TSGA13: variants seen among roughly 807,000 people sequenced by gnomAD.
TSGA13 encodes the protein testis specific 13.
Under a neutral mutation model 35.1 loss-of-function variants are expected in TSGA13, and 37 were observed. That is an observed-to-expected ratio of 1.05 (90% CI 0.81 to 1.39). TSGA13 has a LOEUF of 1.39. Ranked by LOEUF, TSGA13 falls within the 40% of genes most tolerant of loss-of-function variation. The pLI is 0.00. For synonymous variants in TSGA13, 124 were observed against 121.2 expected (o/e 1.02, Z -0.15); for missense variants, 338 against 328.5 (o/e 1.03, Z -0.22).
intron 5 of TSGA13, among the ~76,000 whole-genome samples, chr7:130,676,252 G>A (rs1038638): frequency 0.42 from 64,393 of 152,140 alleles, 16,584 homozygotes; most frequent in East Asian, 0.59. Flanking sequence ...GATATCACAC[G>A]TTTCAATCTT....
intron 5 of TSGA13, among the ~76,000 whole-genome samples, chr7:130,675,464 A>T (rs1284513035): frequency 1.3e-5 from 2 of 151,686 alleles, no homozygotes; most frequent in East Asian, 3.9e-4. Flanking sequence ...ACTCACTGCA[A>T]CCTCCACCTC....
At chr7:130,681,332 A>G (rs935552579) in intron 3 of TSGA13, among the ~76,000 whole-genome samples, 1 of 152,184 alleles carries the variant, frequency 6.6e-6, no homozygotes, top group Non-Finnish European at 1.5e-5. Flanking sequence ...ATTGCGACAA[A>G]TCTTTCCAAG....
chr7:130,671,712 A>T lies in TSGA13; in HGVS notation c.607T>A (p.Tyr203Asn). 1 of 1,610,518 alleles carries T rather than the reference A, an allele frequency of 6.2e-7. No homozygotes were observed. Among genetic ancestry groups the T allele is most frequent in the Non-Finnish European group, 8.5e-7 (1 of 1,177,718 alleles). ...VYALRTQKKM[Y>N]PQLTFAPVHE... is the part of the protein sequence containing the mutation. Reference sequence around the variant, plus strand: ...ACTGGAGCAAAGGTGAGCTGAGGGTACATTTTCTTCTGTGTCCTCAAAGCG... The same window carrying T: ...ACTGGAGCAAAGGTGAGCTGAGGGTTCATTTTCTTCTGTGTCCTCAAAGCG... Residue 203 changes from tyrosine (Y) to asparagine (N), a missense_variant, in exon 7 of 8, where the codon TAC (tyrosine) becomes AAC (asparagine). By Grantham distance (143) the Tyr-to-Asn change is moderately radical. Coordinates refer to ENST00000356588, the MANE Select transcript of TSGA13 (RefSeq NM_052933.4).
chr7:130,678,709 GCA>G (rs1796469034), intron 5 of TSGA13, among the ~76,000 whole-genome samples: 1 of 152,056 alleles, frequency 6.6e-6, no homozygotes, highest in South Asian at 2.1e-4. Flanking sequence ...GTTATGTGAA[GCA>G]TAGGATCAGG....
rs73724361 is a variant in TSGA13, at chr7:130,678,553, A to G, written c.387+602T>C. On this transcript the variant is annotated intron_variant, in intron 5 of 7. Transcript: ENST00000356588. ...CTACTTTATTCTCAACTAGAAAGTC[A>G]GTGGCTAGTCTACCCTTTGTTACTT... 4.5e-3 allele frequency among the ~76,000 whole-genome samples: 692 copies of G among 152,318 alleles called. 2 individuals carry two copies. The highest frequency in any genetic ancestry group is 0.016 in the African/African-American group (669 of 41,566).
In TSGA13 at chr7:130,670,903, G is replaced by A. The variant is rs78608114; in HGVS notation, c.658+758C>T. 7.0e-4 allele frequency among the ~76,000 whole-genome samples: 106 copies of A among 152,168 alleles called. No homozygotes were observed. In the East Asian group the frequency reaches 0.015, roughly 22 times the overall value. ...CAGCCTCCCAAACTGCTAGGATTAC[G>A]GACACGCCCAGCCTGTCAAGGCCTT... On this transcript the variant is annotated intron_variant, in intron 7 of 7. Coordinates refer to ENST00000356588, the MANE Select transcript of TSGA13 (RefSeq NM_052933.4).
At chr7:130,686,665 C>T (rs1796664863), upstream of TSGA13, 1 of 149,038 alleles carries the variant, frequency 6.7e-6, no homozygotes, top group Non-Finnish European at 1.5e-5. Context: ...ATCTGCCAAT[C>T]TCTTATTTTG....
intron 2 of TSGA13, among the ~76,000 whole-genome samples, chr7:130,684,134 G>A (rs917384999): frequency 2.2e-4 from 34 of 152,220 alleles, no homozygotes; most frequent in Non-Finnish European, 4.0e-4. Flanking sequence ...TCTGTGAGAA[G>A]GAATATAGTT....
At chr7:130,671,017 A>T (rs1290854763) in intron 7 of TSGA13, among the ~76,000 whole-genome samples, 1 of 152,098 alleles carries the variant, frequency 6.6e-6, no homozygotes, top group Non-Finnish European at 1.5e-5. Flanking sequence ...CCCTTGAAAT[A>T]CTGTTAAATA....
chr7:130,673,350 G>A (rs1163520765), intron 5 of TSGA13, among the ~76,000 whole-genome samples: 1 of 152,096 alleles, frequency 6.6e-6, no homozygotes, highest in Non-Finnish European at 1.5e-5. Flanking sequence ...CATTACTAAA[G>A]GTCATAGAAT....
Position 130,679,353 on chromosome 7 carries a change from C to T in TSGA13, c.189G>A (p.Lys63=). The T allele has an allele frequency of 1.9e-6, 3 of 1,611,684 alleles. No homozygotes were observed. Among genetic ancestry groups the T allele is most frequent in the Middle Eastern group, 1.7e-4 (1 of 5,932 alleles). The stretch of plus-strand genomic sequence containing the variant: ...TCTGCAGGGCAGTGGCCTTCAAAGG[C>T]TTATAGTACTGGGCCTGAACAGACA... ...TVHPNLAQYY[K]PLKATALQKF... is the part of the protein sequence containing the mutation. Residue 63 remains lysine, a synonymous_variant, in exon 5 of 8, where the codon AAG becomes AAA. Transcript: ENST00000356588.
At chr7:130,671,113 A>G (rs1206280790) in intron 7 of TSGA13, among the ~76,000 whole-genome samples, 1 of 151,864 alleles carries the variant, frequency 6.6e-6, no homozygotes, top group Non-Finnish European at 1.5e-5. Context: ...CCCTACCCCA[A>G]TCCCAGAGAC....
intron 4 of TSGA13, 55 bp downstream of exon 4, chr7:130,680,891 C>T (rs1383282219): frequency 1.3e-6 from 2 of 1,520,616 alleles, no homozygotes; most frequent in African/African-American, 2.7e-5. Context: ...TGGGCATCTG[C>T]ACCACTGCTG....
At chr7:130,672,088 C>G (rs1796286245) in intron 6 of TSGA13, among the ~76,000 whole-genome samples, 1 of 152,026 alleles carries the variant, frequency 6.6e-6, no homozygotes, top group African/African-American at 2.4e-5. Context: ...ACGGTTTTCA[C>G]CATGTTGGCC....
intron 5 of TSGA13, among the ~76,000 whole-genome samples, chr7:130,675,923 T>C (rs1308824992): frequency 6.6e-6 from 1 of 152,246 alleles, no homozygotes; most frequent in Admixed American, 6.5e-5. Context: ...TTGGGTCTGA[T>C]ATCCTCCTCT....
At chr7:130,676,467 G>A (rs1457620292) in intron 5 of TSGA13, among the ~76,000 whole-genome samples, 8 of 152,218 alleles carry the variant, frequency 5.3e-5, no homozygotes, top group African/African-American at 1.9e-4. Flanking sequence ...TGATAGCTTT[G>A]TATTTCCTTC....
At position 130,669,043 on chromosome 7, in the gene TSGA13, T is replaced by G; in HGVS notation, c.799A>C (p.Ile267Leu). 1 of 1,614,158 alleles carries G rather than the reference T, an allele frequency of 6.2e-7. No homozygotes were observed. The highest frequency in any genetic ancestry group is 8.5e-7 in the Non-Finnish European group (1 of 1,180,028). ...AFRNGRAPQW[I>L]IKKATVIG Reference sequence around the variant, plus strand: ...CCGATGACCGTGGCCTTTTTGATAATCCACTGCGGGGCCCTCCCGTTGCGG... The same window carrying G: ...CCGATGACCGTGGCCTTTTTGATAAGCCACTGCGGGGCCCTCCCGTTGCGG... The change falls in exon 8 of 8, where the codon ATT (isoleucine) becomes CTT (leucine). Residue 267 changes from isoleucine (I) to leucine (L), a missense_variant. Physicochemically the swap from Ile to Leu is conservative, Grantham distance 5. Transcript: ENST00000356588.
Position 130,668,843 on chromosome 7 carries a change from C to T in TSGA13, c.*171G>A. On this transcript the variant is annotated 3_prime_UTR_variant, in exon 8 of 8. Transcript: ENST00000356588. Reference sequence around the variant, plus strand: ...GCCGCCCTCGGCCCCCGGGACGCAGCCACGCCCCCTTCTCCTCTTGCGGCC... The same window carrying T: ...GCCGCCCTCGGCCCCCGGGACGCAGTCACGCCCCCTTCTCCTCTTGCGGCC... The T allele has an allele frequency of 2.3e-6, 3 of 1,307,522 alleles. No homozygotes were observed. The highest frequency in any genetic ancestry group is 3.1e-6 in the Non-Finnish European group (3 of 969,900). The allele number at this position is 1,307,522 out of a possible 1,614,324, so 81.0% of individuals were successfully genotyped here.
At chr7:130,685,680 C>T (rs189313417) in intron 1 of TSGA13, among the ~76,000 whole-genome samples, 10 of 152,190 alleles carry the variant, frequency 6.6e-5, no homozygotes, top group South Asian at 2.1e-4. Context: ...CACATATGTC[C>T]GTAGAAGGCT....
Sources: gnomAD v4.1 joint callset for allele counts (sites outside exome capture counted in the v4.1 genomes callset) on GRCh38, gnomAD v4.1.1 for gene constraint, MANE v1.5 for transcripts, NCBI Gene and HGNC (gene_info 2026-07-23, HGNC 2026-07-21) for gene names.